Variants in CAMKMT observed in about 807,000 individuals in gnomAD.
The protein encoded by CAMKMT is CaM KMT.
In CAMKMT, 53 loss-of-function variants were observed where a neutral mutation model predicts 48.0. That is an observed-to-expected ratio of 1.10 (90% confidence interval 0.89 to 1.39). The LOEUF (loss-of-function observed/expected upper bound fraction) is 1.39. CAMKMT is among the 40% of genes most tolerant of loss of function. CAMKMT has a pLI of 0.00. For missense variants in CAMKMT, 428 were observed against 402.7 expected (o/e 1.06, Z -0.54); for synonymous variants, 165 against 152.3 (o/e 1.08, Z -0.61).
chr2:44,446,822 A>G (rs1470909242), intron 3 of CAMKMT, among the ~76,000 whole-genome samples: 1 of 152,180 alleles, frequency 6.6e-6, no homozygotes. Context: ...TCTGAAGTTT[A>G]TCTTCTGTCA....
rs1258758592 is a variant in CAMKMT, at chr2:44,631,037, C to T, written c.377-73246C>T. ...GATAGACTGGATTAAGAAAATGTGG[C>T]ATGTATACACCATGGAATACTATGC... On this transcript the variant is annotated intron_variant, in intron 3 of 10. Coordinates refer to ENST00000378494, the MANE Select transcript of CAMKMT (RefSeq NM_024766.5). 3.3e-5 allele frequency among the ~76,000 whole-genome samples: 5 copies of T among 152,262 alleles called. No homozygotes were observed. In the East Asian group the frequency reaches 9.6e-4, roughly 29 times the overall value.
chr2:44,422,597 C>T (rs1390080504), intron 3 of CAMKMT, among the ~76,000 whole-genome samples: 1 of 152,142 alleles, frequency 6.6e-6, no homozygotes, highest in Admixed American at 6.5e-5. Context: ...GCTGCAAATA[C>T]TTTATCACCT....
Position 44,493,176 on chromosome 2 carries a change from T to C in CAMKMT, c.376+102871T>C, listed in dbSNP as rs1669595527. ...TTCCAAAGTGCTGGGATTACAGGCA[T>C]GAGCCACTGCACCTGGCCTTAATAT... is the stretch of plus-strand genomic sequence containing the variant. On this transcript the variant is annotated intron_variant, in intron 3 of 10. Coordinates refer to ENST00000378494, the MANE Select transcript of CAMKMT (RefSeq NM_024766.5). 7.2e-5 allele frequency among the ~76,000 whole-genome samples: 11 copies of C among 152,272 alleles called. No homozygotes were observed. The South Asian group carries it at 2.3e-3, about 32-fold the overall frequency.
intron 3 of CAMKMT, among the ~76,000 whole-genome samples, chr2:44,692,159 C>T (rs1676689954): frequency 6.6e-6 from 1 of 152,056 alleles, no homozygotes; most frequent in Non-Finnish European, 1.5e-5. Flanking sequence ...AATAATATCC[C>T]TGAAAGTACC....
chr2:44,708,915 C>G (rs1677718662), intron 6 of CAMKMT, among the ~76,000 whole-genome samples: 1 of 151,862 alleles, frequency 6.6e-6, no homozygotes, highest in Admixed American at 6.6e-5. Context: ...TTCAAGTCAG[C>G]AGGTGTCTTA....
intron 3 of CAMKMT, among the ~76,000 whole-genome samples, chr2:44,432,372 C>T (rs1208290425): frequency 6.6e-6 from 1 of 152,172 alleles, no homozygotes; most frequent in Non-Finnish European, 1.5e-5. Context: ...CCTGACCAGC[C>T]TTGGGAGCAC....
At chr2:44,562,310 T>G (rs1221224155) in intron 3 of CAMKMT, among the ~76,000 whole-genome samples, 2 of 152,202 alleles carry the variant, frequency 1.3e-5, no homozygotes, top group African/African-American at 4.8e-5. Context: ...CTGTTTACCC[T>G]TCTTTCTTTT....
chr2:44,564,279 G>A (rs183323817), intron 3 of CAMKMT, among the ~76,000 whole-genome samples: 2 of 151,150 alleles, frequency 1.3e-5, no homozygotes, highest in East Asian at 1.9e-4. Flanking sequence ...GGGTTCAAGC[G>A]ATTCTCCTGC....
At chr2:44,401,287 G>T (rs1164568605) in intron 3 of CAMKMT, 2 of 152,234 alleles carry the variant, frequency 1.3e-5, no homozygotes, top group Admixed American at 1.3e-4. Flanking sequence ...ACGGGGCACA[G>T]TGGCTCACGC....
chr2:44,555,847 TG>T (rs919126438), intron 3 of CAMKMT, among the ~76,000 whole-genome samples: 31 of 152,064 alleles, frequency 2.0e-4, no homozygotes, highest in African/African-American at 7.2e-4. Context: ...GCAGAGCTTT[TG>T]GTTAGGATGG....
chr2:44,434,064 T>C (rs902988362), intron 3 of CAMKMT, among the ~76,000 whole-genome samples: 1 of 152,206 alleles, frequency 6.6e-6, no homozygotes, highest in African/African-American at 2.4e-5. Flanking sequence ...TTCAACTGAA[T>C]AGTCCTCCTT....
chr2:44,441,051 C>T (rs758061879), intron 3 of CAMKMT, among the ~76,000 whole-genome samples: 40 of 152,178 alleles, frequency 2.6e-4, no homozygotes, highest in Non-Finnish European at 4.4e-4. Context: ...GGGGAATTCA[C>T]CTATTAAATC....
At chr2:44,401,143 C>T (rs1682343849) in intron 3 of CAMKMT, 1 of 152,042 alleles carries the variant, frequency 6.6e-6, no homozygotes, top group Non-Finnish European at 1.5e-5. Flanking sequence ...ATTCTTTCTA[C>T]ACATGTTGAA....
intron 7 of CAMKMT, among the ~76,000 whole-genome samples, chr2:44,731,298 G>A (rs775036781): frequency 1.8e-4 from 27 of 152,108 alleles, no homozygotes; most frequent in South Asian, 1.7e-3. Flanking sequence ...CTGAGATTGC[G>A]CCACTGCACT....
At chr2:44,517,171 C>T (rs1670873450) in intron 3 of CAMKMT, among the ~76,000 whole-genome samples, 1 of 152,110 alleles carries the variant, frequency 6.6e-6, no homozygotes. Context: ...ACTATAACCA[C>T]ATTCTTTTAA....
intron 3 of CAMKMT, among the ~76,000 whole-genome samples, chr2:44,549,972 A>C (rs1667619267): frequency 6.6e-6 from 1 of 152,214 alleles, no homozygotes; most frequent in Admixed American, 6.5e-5. Flanking sequence ...CCTGAATTGA[A>C]AGTCATATTA....
At chr2:44,524,236 T>C (rs563636500) in intron 3 of CAMKMT, among the ~76,000 whole-genome samples, 2 of 152,034 alleles carry the variant, frequency 1.3e-5, no homozygotes, top group African/African-American at 4.8e-5. Context: ...ATAAAAAAAT[T>C]GGGGGCTCAT....
At chr2:44,575,994 A>C (rs1669195803) in intron 3 of CAMKMT, among the ~76,000 whole-genome samples, 1 of 151,996 alleles carries the variant, frequency 6.6e-6, no homozygotes, top group Admixed American at 6.6e-5. Flanking sequence ...CAGGTGGTGA[A>C]ACTGGTCTCA....
At chr2:44,409,181 A>G (rs1683016445) in intron 3 of CAMKMT, among the ~76,000 whole-genome samples, 1 of 15,152 alleles carries the variant, frequency 6.6e-5, no homozygotes, top group South Asian at 2.5e-3. Flanking sequence ...ATATATATAT[A>G]TGTATATTGC....
Sources: allele counts gnomAD v4.1 joint callset (sites outside exome capture counted in the v4.1 genomes callset), GRCh38; gene constraint gnomAD v4.1.1; transcripts MANE v1.5; gene names NCBI Gene and HGNC (gene_info 2026-07-23, HGNC 2026-07-21).